CPEB2: variants seen among roughly 807,000 people sequenced by gnomAD.
CPEB2 encodes cytoplasmic polyadenylation element-binding protein 2.
Under a neutral mutation model 93.6 loss-of-function variants are expected in CPEB2, and 56 were observed. The ratio of observed to expected loss-of-function variants is 0.60; its 90% CI spans 0.48 to 0.75. CPEB2 has a LOEUF of 0.75. CPEB2 is among the 30% of genes least tolerant of loss of function. The pLI is 0.00. For synonymous variants in CPEB2, 764 were observed against 586.3 expected (o/e 1.30, Z -4.38); for missense variants, 1,579 against 1,395.1 (o/e 1.13, Z -2.10).
In CPEB2 at chr4:15,069,923, A is replaced by T. The variant is rs1381025389; in HGVS notation, c.*3543A>T. The T allele has an allele frequency of 1.3e-5, 2 of 152,164 alleles. No individual in the cohort carries two copies. Among genetic ancestry groups the T allele is most frequent in the African/African-American group, 4.8e-5 (2 of 41,396 alleles). The allele number at this position is 152,164 out of a possible 1,614,324, so 9.4% of individuals were successfully genotyped here. ...TTTTTATTTTTTTCTAAATAAAAAG[A>T]GAACCCATGCTTTTATGGACACTAG... On this transcript the variant is annotated 3_prime_UTR_variant, in exon 12 of 12. Transcript: ENST00000538197.
At chr4:15,017,885 T>C (rs1724353953) in intron 4 of CPEB2, 1 of 151,894 alleles carries the variant, frequency 6.6e-6, no homozygotes, top group South Asian at 2.1e-4. Context: ...ACATATTCTG[T>C]GTATAAAATG....
chr4:15,012,075 C>T (rs1183968617), intron 3 of CPEB2, among the ~76,000 whole-genome samples: 2 of 152,192 alleles, frequency 1.3e-5, no homozygotes, highest in Non-Finnish European at 2.9e-5. Context: ...TATATAGTTG[C>T]ATACCAAACC....
At chr4:15,015,885 C>T (rs1233212638) in intron 3 of CPEB2, among the ~76,000 whole-genome samples, 1 of 151,832 alleles carries the variant, frequency 6.6e-6, no homozygotes, top group Non-Finnish European at 1.5e-5. Flanking sequence ...TAAAGTAGGA[C>T]AATTATAACA....
At chr4:15,011,819 A>G (rs966728646) in intron 3 of CPEB2, among the ~76,000 whole-genome samples, 9 of 152,108 alleles carry the variant, frequency 5.9e-5, no homozygotes, top group African/African-American at 2.2e-4. Flanking sequence ...TGAAGCATGT[A>G]CGTGCATGTC....
At chr4:15,047,143 T>C (rs982803768) in intron 6 of CPEB2, among the ~76,000 whole-genome samples, 1 of 152,208 alleles carries the variant, frequency 6.6e-6, no homozygotes. Flanking sequence ...CTGTCTAATA[T>C]CAGTTTTACA....
chr4:15,062,819 A>T (rs1049720268), intron 11 of CPEB2, among the ~76,000 whole-genome samples: 1 of 152,028 alleles, frequency 6.6e-6, no homozygotes, highest in South Asian at 2.1e-4. Flanking sequence ...TAAACTTAAA[A>T]TTTTTTTAGT....
intron 4 of CPEB2, among the ~76,000 whole-genome samples, chr4:15,019,185 A>G (rs939923767): frequency 3.3e-5 from 5 of 151,590 alleles, no homozygotes; most frequent in African/African-American, 7.3e-5. Context: ...ATTTTTAAGT[A>G]GAGAAAAAAG....
intron 4 of CPEB2, among the ~76,000 whole-genome samples, chr4:15,032,003 A>G (rs1726163816): frequency 6.6e-6 from 1 of 152,172 alleles, no homozygotes; most frequent in Non-Finnish European, 1.5e-5. Flanking sequence ...GTGTGCTAGC[A>G]TATTATTTTG....
At chr4:15,051,472 C>T (rs1728210880) in intron 6 of CPEB2, among the ~76,000 whole-genome samples, 1 of 152,166 alleles carries the variant, frequency 6.6e-6, no homozygotes, top group African/African-American at 2.4e-5. Flanking sequence ...GGAAAATTTA[C>T]TGAAAACCAT....
intron 6 of CPEB2, among the ~76,000 whole-genome samples, chr4:15,045,587 A>G (rs1376162627): frequency 6.6e-6 from 1 of 152,166 alleles, no homozygotes; most frequent in African/African-American, 2.4e-5. Flanking sequence ...TCTAAAATCA[A>G]AAAGCAGAAG....
chr4:15,024,614 G>T (rs1725219995), intron 4 of CPEB2, among the ~76,000 whole-genome samples: 1 of 151,940 alleles, frequency 6.6e-6, no homozygotes. Context: ...CTTGGAATGT[G>T]TATGTGCATA....
At position 15,004,217 on chromosome 4, in the gene CPEB2, C is replaced by T. The variant is rs779258539; in HGVS notation, c.1544C>T (p.Pro515Leu). Reference sequence around the variant, plus strand: ...ATACCTCAACAGCAGCCCCCGCCGCCCGCGGCGCCGCAGCAGCCGCAGAGC... The same window carrying T: ...ATACCTCAACAGCAGCCCCCGCCGCTCGCGGCGCCGCAGCAGCCGCAGAGC... ...MNIPQQQPPPPAAPQQPQSRR... is the reference protein window; with the variant it reads ...MNIPQQQPPPLAAPQQPQSRR... The change falls in exon 1 of 12, where the codon CCC (proline) becomes CTC (leucine). Residue 515 changes from proline (P) to leucine (L), a missense_variant. By Grantham distance (98) the Pro-to-Leu change is moderately conservative. Coordinates refer to ENST00000538197, the MANE Select transcript of CPEB2 (RefSeq NM_001177382.2). 3 of 1,493,350 alleles carry T rather than the reference C, an allele frequency of 2.0e-6. No homozygotes were observed. The highest frequency in any genetic ancestry group is 2.8e-5 in the East Asian group (1 of 35,302). 92.5% of individuals were successfully genotyped at this position (1,493,350 alleles called of 1,614,324 possible). A position where few individuals can be genotyped will look rare whatever the true frequency, so the allele number is the denominator to read the frequency against.
At chr4:15,046,386 C>T (rs767010466) in intron 6 of CPEB2, among the ~76,000 whole-genome samples, 11 of 152,088 alleles carry the variant, frequency 7.2e-5, no homozygotes, top group Non-Finnish European at 1.3e-4. Flanking sequence ...CCACCACACC[C>T]GGCTAATTTT....
chr4:15,028,887 G>T (rs1239864918), intron 4 of CPEB2, among the ~76,000 whole-genome samples: 2 of 152,090 alleles, frequency 1.3e-5, no homozygotes, highest in African/African-American at 4.8e-5. Context: ...GAAGTGATAA[G>T]TTTTATACAG....
At chr4:15,039,275 C>T (rs1726933621) in intron 5 of CPEB2, among the ~76,000 whole-genome samples, 1 of 152,092 alleles carries the variant, frequency 6.6e-6, no homozygotes, top group Non-Finnish European at 1.5e-5. Context: ...TTGTTTTTCC[C>T]ACTTTATATT....
intron 4 of CPEB2, among the ~76,000 whole-genome samples, chr4:15,024,632 T>G (rs1321922236): frequency 6.6e-6 from 1 of 152,148 alleles, no homozygotes; most frequent in Non-Finnish European, 1.5e-5. Flanking sequence ...ATACGTACCT[T>G]CCTTCCTGCC....
chr4:15,053,891 TGG>T (rs1728481397), intron 7 of CPEB2, among the ~76,000 whole-genome samples: 1 of 152,180 alleles, frequency 6.6e-6, no homozygotes, highest in African/African-American at 2.4e-5. Flanking sequence ...AAAATTCACA[TGG>T]AATTGAGTAT....
chr4:15,007,847 C>G (rs1007800836), intron 2 of CPEB2, among the ~76,000 whole-genome samples: 1 of 152,112 alleles, frequency 6.6e-6, no homozygotes, highest in Non-Finnish European at 1.5e-5. Flanking sequence ...CATACTGAAG[C>G]TTTCAATTAG....
chr4:15,045,696 CTT>C (rs1295006924), intron 6 of CPEB2, among the ~76,000 whole-genome samples: 2 of 152,076 alleles, frequency 1.3e-5, no homozygotes, highest in Non-Finnish European at 2.9e-5. Flanking sequence ...TTAGGGTTCT[CTT>C]ACTGATTTTA....
Sources: gnomAD v4.1 joint callset for allele counts (sites outside exome capture counted in the v4.1 genomes callset) on GRCh38, gnomAD v4.1.1 for gene constraint, MANE v1.5 for transcripts, NCBI Gene and HGNC (gene_info 2026-07-23, HGNC 2026-07-21) for gene names.